NOTCH1: variants seen among roughly 807,000 people sequenced by gnomAD.
The protein encoded by NOTCH1 is notch receptor 1, also known as neurogenic locus notch homolog protein 1.
NOTCH1 carries 37 observed loss-of-function variants against 254.8 expected under a neutral mutation model. The observed-to-expected ratio is 0.15, with a 90% CI of 0.11 to 0.19. NOTCH1 has a LOEUF of 0.19. Ranked by LOEUF, NOTCH1 falls within the 10% of genes least tolerant of loss-of-function variation. NOTCH1 has a pLI of 1.00. For synonymous variants in NOTCH1, 1,731 were observed against 1,618.1 expected (o/e 1.07, Z -1.68); for missense variants, 2,972 against 3,708.6 (o/e 0.80, Z 5.16).
intron 3 of NOTCH1, 129 bp downstream of exon 3, chr9:136,523,588 G>C: frequency 8.1e-7 from 1 of 1,237,920 alleles, no homozygotes; most frequent in Non-Finnish European, 1.1e-6. Flanking sequence ...AGGGACCCTG[G>C]GGCAGGGGCT....
In NOTCH1 at chr9:136,520,852, G is replaced by A. The variant is rs961182834; in HGVS notation, c.743-1287C>T. 4.6e-5 allele frequency among the ~76,000 whole-genome samples: 7 copies of A among 152,310 alleles called. No individual in the cohort carries two copies. In the East Asian group the frequency reaches 1.2e-3, roughly 25 times the overall value. On this transcript the variant is annotated intron_variant, in intron 4 of 33. Transcript: ENST00000651671. The stretch of plus-strand genomic sequence containing the variant: ...TGGCTGGGCCTGCGACCCCAGGGCT[G>A]CCCTGCAAAGCACTGGCTGAGGCAC...
rs1843321928 is a variant in NOTCH1, at chr9:136,518,893, A to G, written c.866-69T>C. The G allele has an allele frequency of 2.1e-6, 3 of 1,440,126 alleles. No individual in the cohort carries two copies. In the South Asian group the frequency reaches 3.5e-5, roughly 17 times the overall value. 89.2% of individuals were successfully genotyped at this position (1,440,126 alleles called of 1,614,324 possible). A position where few individuals can be genotyped will look rare whatever the true frequency, so the allele number is the denominator to read the frequency against. The stretch of plus-strand genomic sequence containing the variant: ...CTGAGCTCCCTGTCCCCTAAGACGC[A>G]GGGTGGCAATGCCGCCCCCTCCAGG... On this transcript the variant is annotated intron_variant, in intron 5 of 33. Transcript: ENST00000651671.
intron 9 of NOTCH1, among the ~76,000 whole-genome samples, chr9:136,516,628 G>A (rs1381466389): frequency 1.3e-5 from 2 of 152,040 alleles, no homozygotes; most frequent in African/African-American, 2.4e-5. Context: ...GGCAGGACAG[G>A]GCAGGCTGGC....
chr9:136,519,720 G>T, intron 4 of NOTCH1, 155 bp from the exon 5 acceptor site: 1 of 1,011,392 alleles, frequency 9.9e-7, no homozygotes, highest in Non-Finnish European at 1.5e-6. Context: ...TCACTCCAGT[G>T]CCCAGAGGGA....
chr9:136,507,412 T>C lies in NOTCH1; in HGVS notation c.3536A>G (p.Asn1179Ser). Reference protein sequence around the residue: ...CKCVAGYHGVNCSEEIDECLS... With the variant: ...CKCVAGYHGVSCSEEIDECLS... Reference sequence around the variant, plus strand: ...GCACTCGTCGATCTCCTCAGAGCAGTTCACCCCGTGGTAGCCGGCCACGCA... The same window carrying C: ...GCACTCGTCGATCTCCTCAGAGCAGCTCACCCCGTGGTAGCCGGCCACGCA... The change falls in exon 22 of 34, where the codon AAC becomes AGC. Residue 1179 changes from asparagine to serine, a missense_variant. Transcript: ENST00000651671. 1 of 1,610,530 alleles carries C rather than the reference T, an allele frequency of 6.2e-7. No individual in the cohort carries two copies. Among genetic ancestry groups the C allele is most frequent in the South Asian group, 1.1e-5 (1 of 90,680 alleles).
At chr9:136,528,724 G>A in intron 2 of NOTCH1, among the ~76,000 whole-genome samples, 1 of 151,944 alleles carries the variant, frequency 6.6e-6, no homozygotes, top group East Asian at 1.9e-4. Flanking sequence ...AGAGCCACAG[G>A]TCCAGCCCCA....
chr9:136,502,498 C>G lies in NOTCH1; in HGVS notation c.5168-10G>C. On this transcript the variant is annotated splice_polypyrimidine_tract_variant and intron_variant, in intron 27 of 33. Transcript: ENST00000651671. ...GGCTCCACGGTCTCACCTGCGGGCA[C>G]GGGGGCCAGGGGCAGGTGCCCGGAC... 6.6e-7 allele frequency: 1 copy of G among 1,509,516 alleles called. No homozygotes were observed. The highest frequency in any genetic ancestry group is 8.8e-7 in the Non-Finnish European group (1 of 1,130,646). 93.5% of individuals were successfully genotyped at this position (1,509,516 alleles called of 1,614,324 possible). A position where few individuals can be genotyped will look rare whatever the true frequency, so the allele number is the denominator to read the frequency against.
chr9:136,520,715 G>A (rs1344546723), intron 4 of NOTCH1, among the ~76,000 whole-genome samples: 1 of 147,834 alleles, frequency 6.8e-6, no homozygotes, highest in Non-Finnish European at 1.5e-5. Context: ...TCCAGCCTGA[G>A]TGACAGAGAC....
intron 12 of NOTCH1, among the ~76,000 whole-genome samples, 193 bp from the exon 13 acceptor site, chr9:136,514,895 C>T (rs1236282142): frequency 1.3e-5 from 2 of 152,308 alleles, no homozygotes; most frequent in East Asian, 3.9e-4. Context: ...TCAAGTCATC[C>T]TCCCAGGGGC....
At chr9:136,528,258 C>A (rs1021142970) in intron 2 of NOTCH1, among the ~76,000 whole-genome samples, 8 of 144,424 alleles carry the variant, frequency 5.5e-5, no homozygotes, top group Admixed American at 1.4e-4. Context: ...CAGCTGGACC[C>A]AACCCAGCTG....
At chr9:136,516,158 C>T in intron 9 of NOTCH1, 64 bp from the exon 10 acceptor site, 1 of 1,265,372 alleles carries the variant, frequency 7.9e-7, no homozygotes, top group Non-Finnish European at 1.1e-6. Flanking sequence ...TCAGGGACCC[C>T]TGGCCAGACC....
rs1477776194 is a variant in NOTCH1 at position 136,499,172 on chromosome 9, C to T, written c.6022G>A (p.Glu2008Lys). The T allele has an allele frequency of 3.1e-6, 5 of 1,613,386 alleles. No homozygotes were observed. The highest frequency in any genetic ancestry group is 4.2e-6 in the Non-Finnish European group (5 of 1,180,014). Residue 2008 changes from glutamate (E) to lysine (K), a missense_variant, in exon 32 of 34, where the codon GAG (glutamate) becomes AAG (lysine). Glu to Lys is a moderately conservative substitution (Grantham distance 56, BLOSUM62 1). Around this residue, in one of 8 missense-constraint regions of NOTCH1, gnomAD observed 421 missense variants for 604.4 expected, o/e 0.70. Transcript: ENST00000651671. ...TTGATGAGGTCCTCCAGCATGCCCT[C>T]CACGGCCAGGCGGGCAGCCAGGATC... ...PLILAARLAV[E>K]GMLEDLINSH... is the part of the protein sequence containing the mutation.
rs558317867 is a variant in NOTCH1, at chr9:136,502,541, C to A, written c.5168-53G>T. Reference sequence around the variant, plus strand: ...GCCCGGACATCAGGCAGCGGCTACGCAGCAGGCTGGTGGCCGGGGGGCGGC... The same window carrying A: ...GCCCGGACATCAGGCAGCGGCTACGAAGCAGGCTGGTGGCCGGGGGGCGGC... On this transcript the variant is annotated intron_variant, in intron 27 of 33. Transcript: ENST00000651671. 7.8e-5 allele frequency: 100 copies of A among 1,289,546 alleles called. No homozygotes were observed. In the South Asian group the frequency reaches 1.4e-3, roughly 17 times the overall value. 79.9% of individuals were successfully genotyped at this position (1,289,546 alleles called of 1,614,324 possible). A position where few individuals can be genotyped will look rare whatever the true frequency, so the allele number is the denominator to read the frequency against.
In NOTCH1 at chr9:136,496,740, G is replaced by A. The variant is rs2133316574; in HGVS notation, c.6999C>T (p.Gly2333=). The change falls in exon 34 of 34, where the codon GGC becomes GGT. Residue 2333 remains glycine, a synonymous_variant. Transcript: ENST00000651671. ...YNPLRGSVAP[G]PLSTQAPSLQ... ...GGGAGGGGGCCTGTGTGCTCAGGGG[G>A]CCTGGTGCCACACTCCCCCGCAGAG... The A allele has an allele frequency of 6.2e-7, 1 of 1,612,776 alleles. No individual in the cohort carries two copies. The highest frequency in any genetic ancestry group is 8.5e-7 in the Non-Finnish European group (1 of 1,180,000).
chr9:136,517,961 G>A (rs2133369168), intron 7 of NOTCH1, 24 bp from the exon 8 acceptor site: 1 of 1,604,586 alleles, frequency 6.2e-7, no homozygotes, highest in Non-Finnish European at 8.5e-7. Flanking sequence ...ACGGGTGAGA[G>A]GCTGCTCCAG....
Position 136,517,379 on chromosome 9 carries a change from T to A in NOTCH1, c.1448A>T (p.Glu483Val), listed in dbSNP as rs778938293. 1.9e-6 allele frequency: 3 copies of A among 1,593,822 alleles called. No individual in the cohort carries two copies. The South Asian group carries it at 3.4e-5, about 18-fold the overall frequency. Residue 483 changes from glutamate (E) to valine (V), a missense_variant, in exon 9 of 34, where the codon GAG (glutamate) becomes GTG (valine). Glu to Val is a moderately radical substitution (Grantham distance 121). This residue lies in a region of NOTCH1 where 128 missense variants were observed against 193.8 expected (regional missense o/e 0.66). Transcript: ENST00000651671. ...TGTGTTGACCTCGCAGTGCACACCCTCGTAGCCTGTGGGGTGGGGCAACAG... is the reference window on the plus strand; with the variant it reads ...TGTGTTGACCTCGCAGTGCACACCCACGTAGCCTGTGGGGTGGGGCAACAG... ...EFQCICMPGY[E>V]GVHCEVNTDE... is the part of the protein sequence containing the mutation.
rs1238885629 is a variant in NOTCH1, at chr9:136,510,667, T to G, written c.2726A>C (p.Asp909Ala). Residue 909 changes from aspartate to alanine, a missense_variant, in exon 17 of 34, where the codon GAC (aspartate) becomes GCC (alanine). Around this residue, in one of 8 missense-constraint regions of NOTCH1, gnomAD observed 1,343 missense variants for 1,557.0 expected, o/e 0.86. Coordinates refer to ENST00000651671, the MANE Select transcript of NOTCH1 (RefSeq NM_017617.5). ...GGGCTACTCACTGGGCCGGCAGTCG[T>G]CGATGTCGGTCTCGCAGTTGCGCCC... Reference protein sequence around the residue: ...YSGRNCETDIDDCRPNPCHNG... With the variant: ...YSGRNCETDIADCRPNPCHNG... The G allele has an allele frequency of 6.2e-7, 1 of 1,607,510 alleles. No homozygotes were observed. The highest frequency in any genetic ancestry group is 1.7e-5 in the Admixed American group (1 of 59,880).
rs549258808 is a variant in NOTCH1 at position 136,497,516 on chromosome 9, C to T, written c.6223G>A (p.Glu2075Lys). 5.9e-5 allele frequency: 95 copies of T among 1,610,308 alleles called. 1 individual carries two copies. In the South Asian group the frequency reaches 8.5e-4, roughly 14 times the overall value. ...TGGTCCAGCAGCACCTTGGCGGTCT[C>T]GTAGCTGCCCTCCCGGGCGGCCAGA... ...LFLAAREGSY[E>K]TAKVLLDHFA... is the part of the protein sequence containing the mutation. The change falls in exon 34 of 34, where the codon GAG (glutamate) becomes AAG (lysine). Residue 2075 changes from glutamate (E) to lysine (K), a missense_variant. Transcript: ENST00000651671.
chr9:136,505,203 T>A (rs1223861562), intron 25 of NOTCH1, 99 bp from the exon 26 acceptor site: 2 of 1,516,138 alleles, frequency 1.3e-6, no homozygotes, highest in African/African-American at 2.7e-5. Context: ...GGGACGTCCC[T>A]GCACCCCCTG....
Sources: allele counts gnomAD v4.1 joint callset (sites outside exome capture counted in the v4.1 genomes callset), GRCh38; gene constraint gnomAD v4.1.1; regional missense constraint gnomAD v4.1.1; transcripts MANE v1.5; gene names NCBI Gene and HGNC (gene_info 2026-07-23, HGNC 2026-07-21).